NFATC2: variants seen among roughly 807,000 people sequenced by gnomAD.
NFATC2 encodes nuclear factor of activated T cells 2.
NFATC2 carries 22 observed loss-of-function variants against 87.3 expected under a neutral mutation model. The observed-to-expected ratio is 0.25, with a 90% CI of 0.18 to 0.36. The LOEUF (loss-of-function observed/expected upper bound fraction) is 0.36. Among genes scored for constraint, NFATC2 ranks in the 10% least tolerant of loss-of-function variants. NFATC2 has a pLI of 1.00. For missense variants in NFATC2, 1,149 were observed against 1,259.1 expected (o/e 0.91, Z 1.32); for synonymous variants, 565 against 542.2 (o/e 1.04, Z -0.58).
chr20:51,492,751 C>G (rs1303721475), intron 3 of NFATC2, among the ~76,000 whole-genome samples: 1 of 152,252 alleles, frequency 6.6e-6, no homozygotes, highest in East Asian at 1.9e-4. Flanking sequence ...AGGCTCACGC[C>G]ACACAAGGGA....
rs59111467 is a variant in NFATC2, at chr20:51,444,605, G to A, written c.1850-8844C>T. ...AGGCAAATCCATCCTCACCCGGGCT[G>A]TGAGCATGCCACTGGGCTCGAGGCG... is the stretch of plus-strand genomic sequence containing the variant. On this transcript the variant is annotated intron_variant, in intron 6 of 10. Coordinates refer to ENST00000371564, the MANE Select transcript of NFATC2 (RefSeq NM_012340.5). Among the ~76,000 whole-genome samples the A allele has an allele frequency of 6.7e-3, 1,017 of 152,258 alleles. 16 individuals are homozygous for A. Among genetic ancestry groups the A allele is most frequent in the African/African-American group, 0.023 (941 of 41,542 alleles).
chr20:51,511,679 T>C (rs937261109), intron 3 of NFATC2, among the ~76,000 whole-genome samples: 6 of 152,206 alleles, frequency 3.9e-5, no homozygotes, highest in African/African-American at 1.4e-4. Flanking sequence ...ATAGAGTCCA[T>C]AGCTTCCGCT....
At chr20:51,561,470 AGAAAGAAAGAAAGAAAGC>A (rs2077027830) in intron 1 of NFATC2, among the ~76,000 whole-genome samples, 1 of 138,316 alleles carries the variant, frequency 7.2e-6, no homozygotes, top group African/African-American at 2.7e-5. Context: ...AAAGAAAGAA[AGAAAGAAAGAAAGAAAGC>A]AAGCAAGCAA....
intron 3 of NFATC2, among the ~76,000 whole-genome samples, chr20:51,507,775 T>C (rs2076209267): frequency 6.6e-6 from 1 of 152,198 alleles, no homozygotes; most frequent in African/African-American, 2.4e-5. Context: ...TATGCCCCAA[T>C]CAAGCAGCAT....
chr20:51,491,864 A>C (rs1445795455), intron 3 of NFATC2, among the ~76,000 whole-genome samples: 1 of 65,150 alleles, frequency 1.5e-5, no homozygotes, highest in African/African-American at 1.2e-4. Flanking sequence ...CCCCACCAAC[A>C]CACACATACA....
intron 6 of NFATC2, among the ~76,000 whole-genome samples, chr20:51,442,576 G>A (rs1984497685): frequency 6.6e-6 from 1 of 152,306 alleles, no homozygotes; most frequent in African/African-American, 2.4e-5. Context: ...CTACTCATAT[G>A]GTTGTACCTC....
At position 51,391,333 on chromosome 20, in the gene NFATC2, T is replaced by C; in HGVS notation, c.*163A>G. On this transcript the variant is annotated 3_prime_UTR_variant, in exon 11 of 11. Transcript: ENST00000371564. ...GATGAACATGAAAGGAGACAGAAGG[T>C]GAGGGGCTGTGGAGGGCTCCGAGGG... is the stretch of plus-strand genomic sequence containing the variant. 6.6e-7 allele frequency: 1 copy of C among 1,523,152 alleles called. No homozygotes were observed. Among genetic ancestry groups the C allele is most frequent in the South Asian group, 1.1e-5 (1 of 89,182 alleles). The allele number at this position is 1,523,152 out of a possible 1,614,324, so 94.4% of individuals were successfully genotyped here. A position where few individuals can be genotyped will look rare whatever the true frequency, so the allele number is the denominator to read the frequency against.
In NFATC2 at chr20:51,432,682, C is replaced by T; in HGVS notation, c.2107G>A (p.Gly703Arg). The T allele has an allele frequency of 6.3e-7, 1 of 1,576,268 alleles. No individual in the cohort carries two copies. Among genetic ancestry groups the T allele is most frequent in the Non-Finnish European group, 8.6e-7 (1 of 1,168,344 alleles). The stretch of plus-strand genomic sequence containing the variant: ...TGCTGGGGGTAGTAAGGCTGGCTCC[C>T]CAGGCCTCCATGGGTGGGGCTGCAG... ...LICSPTHGGLGSQPYYPQHPM... is the reference protein window; with the variant it reads ...LICSPTHGGLRSQPYYPQHPM... The change falls in exon 9 of 11, where the codon GGG (glycine) becomes AGG (arginine). Residue 703 changes from glycine to arginine, a missense_variant. This residue lies in a region of NFATC2 where 581 missense variants were observed against 649.7 expected (regional missense o/e 0.89). Coordinates refer to ENST00000371564, the MANE Select transcript of NFATC2 (RefSeq NM_012340.5). This position sits in a 1 kb window ranked among gnomAD's most constrained non-coding sequence, Gnocchi z 4.6.
In NFATC2 at chr20:51,432,273, G is replaced by A. The variant is rs765940316; in HGVS notation, c.2516C>T (p.Pro839Leu). The change falls in exon 9 of 11, where the codon CCA becomes CTA. Residue 839 changes from proline (P) to leucine (L), a missense_variant. Physicochemically the swap from Pro to Leu is moderately conservative, Grantham distance 98 (BLOSUM62 -3). This residue lies in a region of NFATC2 where 581 missense variants were observed against 649.7 expected (regional missense o/e 0.89). Transcript: ENST00000371564. The surrounding 1 kb of genome is among the most constrained non-coding windows in gnomAD (Gnocchi z 4.6). ...GGGCGGGCCAGGTCTGGTGGTGCCT[G>A]GTGCGAAATTCTCGCAGTACATGAT... ...QHIMYCENFA[P>L]GTTRPGPPPV... 22 of 1,614,204 alleles carry A rather than the reference G, an allele frequency of 1.4e-5. No homozygotes were observed. The highest frequency in any genetic ancestry group is 2.7e-5 in the African/African-American group (2 of 75,048).
chr20:51,422,301 A>G (rs1029659298), intron 9 of NFATC2, among the ~76,000 whole-genome samples: 3 of 152,222 alleles, frequency 2.0e-5, no homozygotes, highest in Admixed American at 6.5e-5. Flanking sequence ...GGGATGAGAC[A>G]GATGTCATCC....
At chr20:51,455,935 GGTAGATGGATGGATGA>G (rs1413832298) in intron 5 of NFATC2, among the ~76,000 whole-genome samples, 1 of 37,262 alleles carries the variant, frequency 2.7e-5, no homozygotes, top group Non-Finnish European at 5.9e-5. Flanking sequence ...TGGGTGGGTG[GGTAGATGGATGGATGA>G]GTGGATGGGT....
intron 6 of NFATC2, among the ~76,000 whole-genome samples, chr20:51,440,477 G>A (rs919378402): frequency 6.6e-6 from 1 of 152,158 alleles, no homozygotes; most frequent in African/African-American, 2.4e-5. Flanking sequence ...ATGAAGCGAC[G>A]AAGTCTGTTA....
intron 6 of NFATC2, among the ~76,000 whole-genome samples, chr20:51,447,705 C>G (rs1985252836): frequency 6.6e-6 from 1 of 152,214 alleles, no homozygotes; most frequent in Non-Finnish European, 1.5e-5. Context: ...CCTGGACTTC[C>G]CAGCGTGAAC....
intron 1 of NFATC2, among the ~76,000 whole-genome samples, chr20:51,555,485 T>C (rs943334742): frequency 3.3e-5 from 5 of 151,734 alleles, no homozygotes; most frequent in East Asian, 3.9e-4. Flanking sequence ...CCCAGCTACT[T>C]GGGAGGCTGA....
rs548340477 is a variant in NFATC2 at position 51,473,957 on chromosome 20, C to T, written c.1708+23G>A. ...GTGCCCTACGCTTTCTGAAGAAAGA[C>T]CGGGCCCCAGGGCCCAACTTACAGC... On this transcript the variant is annotated intron_variant, in intron 5 of 10. Coordinates refer to ENST00000371564, the MANE Select transcript of NFATC2 (RefSeq NM_012340.5). 4.4e-6 allele frequency: 7 copies of T among 1,606,708 alleles called. No individual in the cohort carries two copies. In the South Asian group the frequency reaches 6.6e-5, roughly 15 times the overall value.
chr20:51,393,449 TA>T (rs1270099124), intron 10 of NFATC2, among the ~76,000 whole-genome samples: 2 of 21,848 alleles, frequency 9.2e-5, no homozygotes, highest in Non-Finnish European at 1.4e-4. Flanking sequence ...ACATTATGTA[TA>T]ACTTAACTTT....
intron 3 of NFATC2, among the ~76,000 whole-genome samples, chr20:51,490,692 T>A (rs1476894080): frequency 6.6e-6 from 1 of 152,166 alleles, no homozygotes; most frequent in Admixed American, 6.5e-5. Flanking sequence ...CGGTGGCACA[T>A]GCCTGTAGTC....
upstream of NFATC2, among the ~76,000 whole-genome samples, chr20:51,544,368 A>G (rs1005377229): frequency 2.6e-5 from 4 of 152,080 alleles, no homozygotes; most frequent in African/African-American, 7.2e-5. Context: ...AGGTCTTAAG[A>G]TCCTCGTGAG....
chr20:51,423,316 G>T (rs1981251857), intron 9 of NFATC2, among the ~76,000 whole-genome samples: 1 of 88,900 alleles, frequency 1.1e-5, no homozygotes, highest in African/African-American at 4.7e-5. Context: ...AAAAAAAAAA[G>T]GATTATCTTG....
Sources: gnomAD v4.1 joint callset for allele counts (sites outside exome capture counted in the v4.1 genomes callset) on GRCh38, gnomAD v4.1.1 for gene constraint, gnomAD v4.1.1 regional missense constraint, Gnocchi (gnomAD v3.1) non-coding constraint, MANE v1.5 for transcripts, NCBI Gene and HGNC (gene_info 2026-07-23, HGNC 2026-07-21) for gene names.